Variants in ESR2 observed in about 807,000 individuals in gnomAD.
ESR2 encodes the protein estrogen receptor beta.
A neutral mutation model predicts 49.6 loss-of-function variants in ESR2; 36 were observed. That is an observed-to-expected ratio of 0.73 (90% CI 0.56 to 0.96). The LOEUF is 0.96. ESR2 is among the 40% of genes least tolerant of loss of function. ESR2 has a pLI of 0.00. For synonymous variants in ESR2, 320 were observed against 266.1 expected, an observed-to-expected ratio of 1.20 and a Z score of -1.97; for missense variants, 714 against 693.0, an observed-to-expected ratio of 1.03 and a Z score of -0.34.
chr14:64,262,289 A>AT (rs986457240), intron 4 of ESR2, among the ~76,000 whole-genome samples: 3 of 151,716 alleles, frequency 2.0e-5, no homozygotes, highest in African/African-American at 7.3e-5. Context: ...TAATTTTTGT[A>AT]TTTTTTGTAA....
Position 64,261,232 on chromosome 14 carries a change from C to CTTTTTTTTTTTTTTTTTTTT in ESR2, c.653-485_653-484insAAAAAAAAAAAAAAAAAAAA, listed in dbSNP as rs374264697. On this transcript the variant is annotated intron_variant, in intron 4 of 8. Coordinates refer to ENST00000341099, the MANE Select transcript of ESR2 (RefSeq NM_001437.3). ...CAGTCTTTTTAATGCTTTTATTTTTCTTTTTTCTTTTTTTTTTTTTTTTGA... is the reference window on the plus strand; with the variant it reads ...CAGTCTTTTTAATGCTTTTATTTTTCTTTTTTTTTTTTTTTTTTTTTTTTTTCTTTTTTTTTTTTTTTTGA... 4.5e-5 allele frequency among the ~76,000 whole-genome samples: 4 copies of CTTTTTTTTTTTTTTTTTTTT among 88,682 alleles called. 1 individual carries two copies. Among genetic ancestry groups the CTTTTTTTTTTTTTTTTTTTT allele is most frequent in the East Asian group, 4.8e-4 (1 of 2,084 alleles). The allele number at this position is 88,682 out of a possible 152,430, so 58.2% of individuals were successfully genotyped here. A position where few individuals can be genotyped will look rare whatever the true frequency, so the allele number is the denominator to read the frequency against.
At chr14:64,302,499 C>T (rs2077038010) in intron 1 of ESR2, among the ~76,000 whole-genome samples, 1 of 151,706 alleles carries the variant, frequency 6.6e-6, no homozygotes, top group African/African-American at 2.4e-5. Context: ...ACCTGGGTTG[C>T]TTATTTAAAA....
chr14:64,322,128 A>G (rs568686376), intron 1 of ESR2, among the ~76,000 whole-genome samples: 1 of 152,216 alleles, frequency 6.6e-6, no homozygotes, highest in African/African-American at 2.4e-5. Flanking sequence ...GCATGATCTC[A>G]GCTCACTGCA....
intron 6 of ESR2, among the ~76,000 whole-genome samples, chr14:64,254,316 G>C (rs1439961628): frequency 6.6e-6 from 1 of 152,164 alleles, no homozygotes; most frequent in Non-Finnish European, 1.5e-5. Context: ...CATGACTCCT[G>C]ACTTTTTGAA....
intron 3 of ESR2, among the ~76,000 whole-genome samples, chr14:64,279,242 A>C (rs968223963): frequency 6.6e-6 from 1 of 152,214 alleles, no homozygotes; most frequent in African/African-American, 2.4e-5. Context: ...AAAATGTATA[A>C]GACCAAGTTG....
intron 1 of ESR2, among the ~76,000 whole-genome samples, chr14:64,326,139 T>C (rs1170491881): frequency 6.6e-6 from 1 of 152,182 alleles, no homozygotes. Flanking sequence ...ACAGATTACA[T>C]TAAAAAGTGG....
At chr14:64,273,905 G>A (rs900922632) in intron 3 of ESR2, among the ~76,000 whole-genome samples, 1 of 149,952 alleles carries the variant, frequency 6.7e-6, no homozygotes, top group African/African-American at 2.4e-5. Context: ...AATTCTGGAT[G>A]AAGCCATCAG....
chr14:64,327,022 A>G (rs1219715474), intron 1 of ESR2, among the ~76,000 whole-genome samples: 1 of 152,194 alleles, frequency 6.6e-6, no homozygotes, highest in African/African-American at 2.4e-5. Flanking sequence ...TCAAAAATCA[A>G]TCAAAACTTA....
intron 7 of ESR2, among the ~76,000 whole-genome samples, chr14:64,243,411 G>A (rs1408378313): frequency 1.3e-5 from 2 of 152,166 alleles, no homozygotes; most frequent in African/African-American, 2.4e-5. Flanking sequence ...GTGAGCACAT[G>A]CTGTTGGAAA....
At chr14:64,298,539 A>G (rs1260182359), upstream of ESR2, 2 of 152,174 alleles carry the variant, frequency 1.3e-5, no homozygotes, top group Non-Finnish European at 2.9e-5. Context: ...CTATGAGCAT[A>G]TTTATGTAAC....
At chr14:64,255,680 C>T (rs1308834637) in intron 6 of ESR2, among the ~76,000 whole-genome samples, 1 of 152,202 alleles carries the variant, frequency 6.6e-6, no homozygotes, top group African/African-American at 2.4e-5. Flanking sequence ...TCAAAGGGGG[C>T]AGGAAGATTG....
At chr14:64,292,483 A>C (rs1377871777) in intron 1 of ESR2, among the ~76,000 whole-genome samples, 1 of 152,150 alleles carries the variant, frequency 6.6e-6, no homozygotes, top group African/African-American at 2.4e-5. Context: ...CTGTAGCCTA[A>C]TTTTTTTAAA....
chr14:64,253,604 G>GTGTGTGTGTGTGTA (rs375688515), intron 6 of ESR2, among the ~76,000 whole-genome samples: 51 of 142,904 alleles, frequency 3.6e-4, no homozygotes, highest in Non-Finnish European at 5.3e-4. Flanking sequence ...GTGTGTGTGT[G>GTGTGTGTGTGTGTA]TATGTATGTG....
intron 4 of ESR2, among the ~76,000 whole-genome samples, chr14:64,265,607 T>C (rs1283964486): frequency 1.3e-5 from 2 of 152,230 alleles, no homozygotes; most frequent in Non-Finnish European, 2.9e-5. Context: ...TATGTTGAGC[T>C]ATTGTCCCAA....
rs183454416 is a variant in ESR2 at position 64,312,103 on chromosome 14, G to T, written c.-91+25795C>A. Among the ~76,000 whole-genome samples, 3 of 152,192 alleles carry T rather than the reference G, an allele frequency of 2.0e-5. No individual in the cohort carries two copies. The East Asian group carries it at 5.8e-4, about 29-fold the overall frequency. On this transcript the variant is annotated intron_variant, in intron 1 of 8. Transcript: ENST00000358599. Reference sequence around the variant, plus strand: ...AAAGTAGAGACATAATGGAAGCTAAGAGTTCTATACTTTACTCAAACTGGT... The same window carrying T: ...AAAGTAGAGACATAATGGAAGCTAATAGTTCTATACTTTACTCAAACTGGT...
At chr14:64,246,344 A>G (rs138109424) in intron 7 of ESR2, among the ~76,000 whole-genome samples, 1 of 152,162 alleles carries the variant, frequency 6.6e-6, no homozygotes, top group African/African-American at 2.4e-5. Flanking sequence ...TGATGGTTAT[A>G]TAAGGGGCTC....
At chr14:64,276,586 C>G (rs1386487251) in intron 3 of ESR2, among the ~76,000 whole-genome samples, 2 of 152,208 alleles carry the variant, frequency 1.3e-5, no homozygotes, top group Non-Finnish European at 2.9e-5. Context: ...CATTAATGCA[C>G]TCTGACCCCA....
At chr14:64,299,463 C>G (rs371066212) in intron 1 of ESR2, among the ~76,000 whole-genome samples, 60 of 147,294 alleles carry the variant, frequency 4.1e-4, no homozygotes, top group Middle Eastern at 7.4e-3. Flanking sequence ...TGCAGTGGCA[C>G]AATCTTCCGC....
chr14:64,263,176 A>G (rs1418292522), intron 4 of ESR2, among the ~76,000 whole-genome samples: 4 of 152,222 alleles, frequency 2.6e-5, no homozygotes, highest in Non-Finnish European at 5.9e-5. Context: ...TAAGAGATAT[A>G]CCTAACATAT....
Sources: gnomAD v4.1 joint callset for allele counts (sites outside exome capture counted in the v4.1 genomes callset) on GRCh38, gnomAD v4.1.1 for gene constraint, MANE v1.5 for transcripts, NCBI Gene and HGNC (gene_info 2026-07-23, HGNC 2026-07-21) for gene names.